SPICE1: variants seen among roughly 807,000 people sequenced by gnomAD.
SPICE1 encodes the protein spindle and centriole associated protein 1.
In SPICE1, 75 loss-of-function variants were observed where a neutral mutation model predicts 102.7. That is an observed-to-expected ratio of 0.73 (90% CI 0.61 to 0.88). SPICE1 has a LOEUF of 0.88. Among genes scored for constraint, SPICE1 ranks in the 40% least tolerant of loss-of-function variants. The pLI, the probability that SPICE1 is intolerant of heterozygous loss-of-function variation, is 0.00. For synonymous variants in SPICE1, 308 were observed against 350.3 expected, an observed-to-expected ratio of 0.88 and a Z score of 1.35; for missense variants, 979 against 1,020.1, an observed-to-expected ratio of 0.96 and a Z score of 0.55.
intron 11 of SPICE1, among the ~76,000 whole-genome samples, chr3:113,462,220 A>G (rs1339142829): frequency 6.6e-6 from 1 of 151,982 alleles, no homozygotes; most frequent in East Asian, 1.9e-4. Context: ...TATTCCAATA[A>G]CTCCTCATGT....
intron 10 of SPICE1, among the ~76,000 whole-genome samples, chr3:113,466,892 T>C (rs1441076885): frequency 1.3e-5 from 2 of 151,786 alleles, no homozygotes. Context: ...ACAAAAAAAA[T>C]ACAAAAATTA....
rs755617795 is a variant in SPICE1 at position 113,450,524 on chromosome 3, AG to A, written c.2143-9del. 1.6e-5 allele frequency: 25 copies of A among 1,526,406 alleles called. No individual in the cohort carries two copies. Among genetic ancestry groups the A allele is most frequent in the South Asian group, 6.2e-5 (5 of 80,184 alleles). 94.6% of individuals were successfully genotyped at this position (1,526,406 alleles called of 1,614,324 possible). On this transcript the variant is annotated splice_polypyrimidine_tract_variant and intron_variant, in intron 14 of 17. Transcript: ENST00000295872. ...CTGTGCTACTGGAAAAGTCTTTGGG[AG>A]AAAAAAAAAAAAAGTACAAATTGAA...
At chr3:113,468,957 T>A in intron 8 of SPICE1, 58 bp from the exon 9 acceptor site, 1 of 1,576,604 alleles carries the variant, frequency 6.3e-7, no homozygotes, top group African/African-American at 1.4e-5. Context: ...TAAGAAAGTA[T>A]TTCAATTGAC....
chr3:113,514,860 C>T (rs1937292491), intron 1 of SPICE1, 37 bp downstream of exon 1: 1 of 1,225,978 alleles, frequency 8.2e-7, no homozygotes, highest in East Asian at 5.7e-5. Flanking sequence ...TCTGGCGCCA[C>T]GCACAAACAT....
At chr3:113,458,385 G>C (rs916922237) in intron 12 of SPICE1, among the ~76,000 whole-genome samples, 1 of 152,176 alleles carries the variant, frequency 6.6e-6, no homozygotes, top group Non-Finnish European at 1.5e-5. Flanking sequence ...ACTGGTTTTC[G>C]TATTTTTTGG....
At chr3:113,475,906 T>C (rs1029771524) in intron 7 of SPICE1, among the ~76,000 whole-genome samples, 1 of 152,162 alleles carries the variant, frequency 6.6e-6, no homozygotes, top group African/African-American at 2.4e-5. Context: ...ACTACTCCTA[T>C]TCAACATAGT....
chr3:113,477,557 C>A (rs925188471), intron 7 of SPICE1, among the ~76,000 whole-genome samples: 6 of 151,826 alleles, frequency 4.0e-5, no homozygotes, highest in Non-Finnish European at 5.9e-5. Context: ...CAACGATAGA[C>A]TGGATTAAGA....
chr3:113,492,839 A>G (rs12629498), intron 6 of SPICE1, among the ~76,000 whole-genome samples: 28,246 of 152,172 alleles, frequency 0.19, 3,404 homozygotes, highest in East Asian at 0.43. Context: ...TGCTGTCTCC[A>G]TAATGATCGA....
At chr3:113,508,280 C>T (rs373677817) in intron 1 of SPICE1, among the ~76,000 whole-genome samples, 6 of 151,890 alleles carry the variant, frequency 4.0e-5, no homozygotes, top group African/African-American at 7.3e-5. Flanking sequence ...ATAAATTGGA[C>T]GTAATCAAAA....
chr3:113,450,471 G>A lies in SPICE1; in HGVS notation c.2188C>T (p.Arg730Trp), dbSNP rs765331509. 10 of 1,612,066 alleles carry A rather than the reference G, an allele frequency of 6.2e-6. No individual in the cohort carries two copies. The highest frequency in any genetic ancestry group is 2.7e-5 in the African/African-American group (2 of 74,180). Reference sequence around the variant, plus strand: ...CTTTGTCGATTCAATTCTGCAATCCGTTCCTCCATACTACCTGGTGTTAGA... The same window carrying A: ...CTTTGTCGATTCAATTCTGCAATCCATTCCTCCATACTACCTGGTGTTAGA... ...QSLTPGSMEE[R>W]IAELNRQSME... Residue 730 changes from arginine to tryptophan, a missense_variant, in exon 15 of 18, where the codon CGG becomes TGG. Physicochemically the swap from Arg to Trp is moderately radical, Grantham distance 101. Coordinates refer to ENST00000295872, the MANE Select transcript of SPICE1 (RefSeq NM_144718.4).
At chr3:113,494,610 G>C (rs1936840627) in intron 4 of SPICE1, among the ~76,000 whole-genome samples, 1 of 148,934 alleles carries the variant, frequency 6.7e-6, no homozygotes, top group Admixed American at 6.7e-5. Flanking sequence ...TCCCGCCACT[G>C]CACTCCAGCC....
chr3:113,491,558 C>G (rs1186400006), intron 6 of SPICE1, among the ~76,000 whole-genome samples: 1 of 137,982 alleles, frequency 7.2e-6, no homozygotes, highest in Non-Finnish European at 1.5e-5. Context: ...CCGGGAGGCA[C>G]AGCTTGCAGT....
In SPICE1 at chr3:113,514,878, C is replaced by T; in HGVS notation, c.-1+19G>A. On this transcript the variant is annotated intron_variant, in intron 1 of 17. Transcript: ENST00000295872. The stretch of plus-strand genomic sequence containing the variant: ...GGCGCCACGCACAAACATACCCAGA[C>T]ACGCACCCTGACACGTACTTGCACT... 8.3e-7 allele frequency: 1 copy of T among 1,208,776 alleles called. No individual in the cohort carries two copies. The highest frequency in any genetic ancestry group is 1.1e-6 in the Non-Finnish European group (1 of 950,762). The allele number at this position is 1,208,776 out of a possible 1,614,324, so 74.9% of individuals were successfully genotyped here. A position where few individuals can be genotyped will look rare whatever the true frequency, so the allele number is the denominator to read the frequency against.
intron 11 of SPICE1, among the ~76,000 whole-genome samples, chr3:113,461,705 G>C (rs76889649): frequency 0.012 from 1,860 of 152,238 alleles, 30 homozygotes; most frequent in African/African-American, 0.042. Context: ...AACAAAGTAA[G>C]AAAACCCAAA....
At chr3:113,513,417 TAAAC>T (rs1392855512) in intron 1 of SPICE1, among the ~76,000 whole-genome samples, 6 of 151,944 alleles carry the variant, frequency 3.9e-5, no homozygotes, top group Non-Finnish European at 5.9e-5. Context: ...TCTCTTAAAA[TAAAC>T]AAACAAAAAC....
chr3:113,465,458 A>AT (rs1936030514), intron 11 of SPICE1, among the ~76,000 whole-genome samples, 195 bp downstream of exon 11: 1 of 152,236 alleles, frequency 6.6e-6, no homozygotes, highest in Non-Finnish European at 1.5e-5. Context: ...GACAGTCCAT[A>AT]TACTACTTCC....
At chr3:113,465,454 C>T (rs79590185) in intron 11 of SPICE1, among the ~76,000 whole-genome samples, 199 bp downstream of exon 11, 2,525 of 152,256 alleles carry the variant, frequency 0.017, 57 homozygotes, top group African/African-American at 0.049. Context: ...GGAAGACAGT[C>T]CATATACTAC....
chr3:113,504,152 G>A (rs1937063193), intron 2 of SPICE1, among the ~76,000 whole-genome samples: 1 of 152,082 alleles, frequency 6.6e-6, no homozygotes, highest in Non-Finnish European at 1.5e-5. Flanking sequence ...ATTAATATCA[G>A]AGTCCGTGTA....
intron 3 of SPICE1, among the ~76,000 whole-genome samples, chr3:113,502,501 G>A (rs1424346003): frequency 1.3e-5 from 2 of 152,132 alleles, no homozygotes; most frequent in African/African-American, 2.4e-5. Context: ...GGCACAAGGA[G>A]TGACTGTTAA....
Sources: gnomAD v4.1 joint callset for allele counts (sites outside exome capture counted in the v4.1 genomes callset) on GRCh38, gnomAD v4.1.1 for gene constraint, MANE v1.5 for transcripts, NCBI Gene and HGNC (gene_info 2026-07-23, HGNC 2026-07-21) for gene names.